Variants in CREBBP observed in about 807,000 individuals in gnomAD.
CREBBP encodes CREB-binding protein.
Under a neutral mutation model 265.0 loss-of-function variants are expected in CREBBP, and 19 were observed. The ratio of observed to expected loss-of-function variants is 0.07; its 90% CI spans 0.05 to 0.11. CREBBP has a LOEUF of 0.11. CREBBP is among the 10% of genes least tolerant of loss of function. The pLI, the probability that CREBBP is intolerant of heterozygous loss-of-function variation, is 1.00. For synonymous variants in CREBBP, 1,457 were observed against 1,223.7 expected, an observed-to-expected ratio of 1.19 and a Z score of -3.98; for missense variants, 2,525 against 3,219.0, an observed-to-expected ratio of 0.78 and a Z score of 5.22.
intron 11 of CREBBP, among the ~76,000 whole-genome samples, chr16:3,775,179 A>T (rs2053107467): frequency 1.3e-5 from 2 of 152,192 alleles, no homozygotes; most frequent in South Asian, 4.1e-4. Context: ...GAGGATTCCC[A>T]GCTCCTTGCT....
chr16:3,730,036 G>C (rs934245208), intron 30 of CREBBP, among the ~76,000 whole-genome samples, 162 bp from the exon 31 acceptor site: 1 of 152,130 alleles, frequency 6.6e-6, no homozygotes, highest in Non-Finnish European at 1.5e-5. Context: ...GGGAGACCCG[G>C]ACAGGGCGGG....
At chr16:3,756,061 C>T (rs1243989655) in intron 19 of CREBBP, among the ~76,000 whole-genome samples, 1 of 151,936 alleles carries the variant, frequency 6.6e-6, no homozygotes, top group African/African-American at 2.4e-5. Context: ...AAACACATAA[C>T]CATAAAACTC....
chr16:3,819,837 G>A (rs2054107928), intron 2 of CREBBP, among the ~76,000 whole-genome samples: 1 of 152,032 alleles, frequency 6.6e-6, no homozygotes, highest in Admixed American at 6.6e-5. Context: ...CCAAAACATA[G>A]AAGAACTGAA....
intron 2 of CREBBP, among the ~76,000 whole-genome samples, chr16:3,819,606 C>T (rs1230974790): frequency 6.6e-6 from 1 of 152,156 alleles, no homozygotes. Context: ...AACACTGTGA[C>T]AACAACAATC....
At chr16:3,747,675 T>C (rs1385845516) in intron 21 of CREBBP, among the ~76,000 whole-genome samples, 1 of 152,196 alleles carries the variant, frequency 6.6e-6, no homozygotes, top group African/African-American at 2.4e-5. Context: ...AAAGTAGATA[T>C]AAATTGGCCG....
intron 2 of CREBBP, among the ~76,000 whole-genome samples, chr16:3,828,913 T>G (rs564421397): frequency 8.7e-4 from 132 of 152,324 alleles, no homozygotes; most frequent in Non-Finnish European, 1.7e-3. Flanking sequence ...CCCAGCACAG[T>G]GCCCAGTACA....
At chr16:3,806,450 T>C (rs2053832113) in intron 3 of CREBBP, among the ~76,000 whole-genome samples, 1 of 149,104 alleles carries the variant, frequency 6.7e-6, no homozygotes, top group Admixed American at 6.6e-5. Flanking sequence ...ATAACGCAGT[T>C]CTTAAAAAAA....
intron 19 of CREBBP, among the ~76,000 whole-genome samples, chr16:3,754,382 T>G (rs1339681175): frequency 6.6e-6 from 1 of 152,200 alleles, no homozygotes; most frequent in East Asian, 1.9e-4. Flanking sequence ...CCACACTTTA[T>G]TCTCCCTGGA....
chr16:3,759,422 C>G (rs562205304), intron 16 of CREBBP, among the ~76,000 whole-genome samples: 24 of 152,054 alleles, frequency 1.6e-4, no homozygotes, highest in Non-Finnish European at 2.9e-4. Context: ...AACCTCGTCT[C>G]TACTAAACAC....
intron 1 of CREBBP, among the ~76,000 whole-genome samples, chr16:3,859,556 A>G (rs1395317045): frequency 6.6e-6 from 1 of 152,196 alleles, no homozygotes; most frequent in Non-Finnish European, 1.5e-5. Flanking sequence ...GTAGCTTCGG[A>G]CAGGAGCTGG....
chr16:3,728,374 T>C lies in CREBBP; in HGVS notation c.6673A>G (p.Met2225Val). The C allele has an allele frequency of 5.0e-6, 8 of 1,613,256 alleles. No individual in the cohort carries two copies. Among genetic ancestry groups the C allele is most frequent in the Middle Eastern group, 1.7e-4 (1 of 6,038 alleles). Residue 2225 changes from methionine to valine, a missense_variant, in exon 31 of 31, where the codon ATG becomes GTG. Met to Val is a conservative substitution (Grantham distance 21). Transcript: ENST00000262367. This position sits in a 1 kb window ranked among gnomAD's most constrained non-coding sequence, Gnocchi z 8.7. The part of the protein sequence containing the change: ...QQGSAGMAGG[M>V]AGHGQFQQPQ... ...TGCTGGAACTGGCCGTGCCCCGCCA[T>C]GCCCCCAGCCATGCCGGCACTCCCT...
intron 2 of CREBBP, among the ~76,000 whole-genome samples, chr16:3,814,715 T>C (rs2054005858): frequency 1.3e-5 from 2 of 152,176 alleles, no homozygotes; most frequent in African/African-American, 2.4e-5. Flanking sequence ...GTAAAAAAGA[T>C]GGCAAGTCAA....
At chr16:3,772,872 T>A (rs2053046214) in intron 13 of CREBBP, among the ~76,000 whole-genome samples, 1 of 133,602 alleles carries the variant, frequency 7.5e-6, no homozygotes, top group South Asian at 2.3e-4. Context: ...GAGATCGAGA[T>A]CAGCCTGGCC....
chr16:3,862,658 T>C (rs751750484), intron 1 of CREBBP, among the ~76,000 whole-genome samples: 6 of 152,164 alleles, frequency 3.9e-5, no homozygotes, highest in Non-Finnish European at 7.3e-5. Context: ...GGGTTCTTCC[T>C]ACTGTATCAG....
intron 6 of CREBBP, among the ~76,000 whole-genome samples, chr16:3,781,787 C>A (rs1046800545): frequency 1.3e-5 from 2 of 152,046 alleles, no homozygotes; most frequent in South Asian, 4.2e-4. Flanking sequence ...AAAGCTGAGA[C>A]TAAAAAAGGT....
intron 1 of CREBBP, among the ~76,000 whole-genome samples, chr16:3,876,141 C>T (rs1010054000): frequency 5.3e-5 from 8 of 151,914 alleles, no homozygotes; most frequent in African/African-American, 9.7e-5. Flanking sequence ...TGGGCTCAAG[C>T]GATCCTCCTG....
At chr16:3,875,451 C>A (rs2141599079) in intron 1 of CREBBP, among the ~76,000 whole-genome samples, 1 of 152,230 alleles carries the variant, frequency 6.6e-6, no homozygotes, top group East Asian at 1.9e-4. Context: ...GGAACACGAG[C>A]CCACACACGT....
At chr16:3,854,136 A>G (rs375141760) in intron 1 of CREBBP, among the ~76,000 whole-genome samples, 3 of 152,184 alleles carry the variant, frequency 2.0e-5, no homozygotes, top group East Asian at 3.8e-4. Context: ...CCCTGGCCAC[A>G]GGAGGGAGAG....
chr16:3,809,038 T>G (rs961053850), intron 3 of CREBBP, among the ~76,000 whole-genome samples: 3 of 152,096 alleles, frequency 2.0e-5, no homozygotes, highest in African/African-American at 7.2e-5. Context: ...AGGACAATCC[T>G]GGCAACAAAA....
Sources: gnomAD v4.1 joint callset for allele counts (sites outside exome capture counted in the v4.1 genomes callset) on GRCh38, gnomAD v4.1.1 for gene constraint, Gnocchi (gnomAD v3.1) non-coding constraint, MANE v1.5 for transcripts, NCBI Gene and HGNC (gene_info 2026-07-23, HGNC 2026-07-21) for gene names.